The following DSCAML1 variants were observed in gnomAD, a reference collection of about 807,000 sequenced individuals.
DSCAML1 encodes the protein DS cell adhesion molecule like 1.
Under a neutral mutation model 200.5 loss-of-function variants are expected in DSCAML1, and 38 were observed. The ratio of observed to expected loss-of-function variants is 0.19; its 90% CI spans 0.15 to 0.25. The LOEUF (loss-of-function observed/expected upper bound fraction) is 0.25, where lower values mean the gene tolerates loss of function less well. Among genes scored for constraint, DSCAML1 ranks in the 10% least tolerant of loss-of-function variants. DSCAML1 has a pLI of 1.00. For synonymous variants in DSCAML1, 1,215 were observed against 1,165.0 expected, an observed-to-expected ratio of 1.04 and a Z score of -0.87; for missense variants, 2,223 against 2,858.8, an observed-to-expected ratio of 0.78 and a Z score of 5.07.
chr11:117,431,497 G>C, intron 31 of DSCAML1, 37 bp downstream of exon 31: 4 of 1,500,390 alleles, frequency 2.7e-6, no homozygotes, highest in Non-Finnish European at 3.6e-6. Context: ...GGAACTGGGG[G>C]GAGGTGTTCA....
chr11:117,719,224 C>T (rs7102666), intron 3 of DSCAML1, among the ~76,000 whole-genome samples: 1 of 152,052 alleles, frequency 6.6e-6, no homozygotes, highest in Non-Finnish European at 1.5e-5. Flanking sequence ...CGCTGGAGGT[C>T]AGGAGTTCGA....
chr11:117,620,041 A>C (rs1041770452), intron 3 of DSCAML1, among the ~76,000 whole-genome samples: 1 of 152,242 alleles, frequency 6.6e-6, no homozygotes, highest in Admixed American at 6.5e-5. Context: ...ATTTCGTGAA[A>C]CATCTTTAGT....
At chr11:117,466,952 G>A (rs1182718037) in intron 16 of DSCAML1, among the ~76,000 whole-genome samples, 2 of 152,176 alleles carry the variant, frequency 1.3e-5, no homozygotes, top group Admixed American at 6.5e-5. Flanking sequence ...TGCCCCAGAC[G>A]CCAAGGCCAG....
intron 3 of DSCAML1, among the ~76,000 whole-genome samples, chr11:117,698,595 T>C (rs2053620518): frequency 6.6e-6 from 1 of 152,246 alleles, no homozygotes; most frequent in Non-Finnish European, 1.5e-5. Context: ...TATTTTTTTT[T>C]CTTTAAATAG....
At position 117,428,211 on chromosome 11, in the gene DSCAML1, T is replaced by C; in HGVS notation, c.*117A>G. On this transcript the variant is annotated 3_prime_UTR_variant, in exon 33 of 33. Coordinates refer to ENST00000651296, the MANE Select transcript of DSCAML1 (RefSeq NM_020693.4). The stretch of plus-strand genomic sequence containing the variant: ...CGTTCATGATTGGGGGTTTTTGTTT[T>C]GTCGTTGGTTGGTTTTTGTCTGTCA... The C allele has an allele frequency of 1.5e-6, 1 of 668,508 alleles. No individual in the cohort carries two copies. Among genetic ancestry groups the C allele is most frequent in the Non-Finnish European group, 2.7e-6 (1 of 375,368 alleles). 41.4% of individuals were successfully genotyped at this position (668,508 alleles called of 1,614,324 possible). A position where few individuals can be genotyped will look rare whatever the true frequency, so the allele number is the denominator to read the frequency against.
chr11:117,792,074 C>T (rs1459984693), intron 1 of DSCAML1, among the ~76,000 whole-genome samples: 1 of 152,166 alleles, frequency 6.6e-6, no homozygotes, highest in East Asian at 1.9e-4. Context: ...CATTCTACTC[C>T]AATATATGAA....
At chr11:117,549,234 G>GC (rs2050429921) in intron 3 of DSCAML1, among the ~76,000 whole-genome samples, 1 of 152,220 alleles carries the variant, frequency 6.6e-6, no homozygotes, top group Non-Finnish European at 1.5e-5. Context: ...AAGGCCAGGA[G>GC]CAGCAGGTGG....
intron 3 of DSCAML1, among the ~76,000 whole-genome samples, chr11:117,726,395 GT>G (rs2054132109): frequency 6.6e-6 from 1 of 151,892 alleles, no homozygotes; most frequent in Non-Finnish European, 1.5e-5. Flanking sequence ...ATTTGTTGTT[GT>G]TAGTATAGGA....
chr11:117,610,303 C>T (rs550737527), intron 3 of DSCAML1, among the ~76,000 whole-genome samples: 1 of 152,186 alleles, frequency 6.6e-6, no homozygotes, highest in East Asian at 1.9e-4. Context: ...ATTTTCTGGT[C>T]ACACATTCTT....
At position 117,812,195 on chromosome 11, in the gene DSCAML1, C is replaced by T. The variant is rs1024084363; in HGVS notation, c.-250+5195G>A. On this transcript the variant is annotated intron_variant, in intron 1 of 2. Coordinates refer to the DSCAML1 transcript ENST00000525836. ...GAGACCTCTACTCCCTCCTTGGCGA[C>T]CAATCATGCACCCCTTACCATCTCA... Among the ~76,000 whole-genome samples, 5 of 152,290 alleles carry T rather than the reference C, an allele frequency of 3.3e-5. No individual in the cohort carries two copies. In the South Asian group the frequency reaches 1.0e-3, roughly 32 times the overall value.
intron 3 of DSCAML1, among the ~76,000 whole-genome samples, chr11:117,644,668 G>C (rs2052484269): frequency 6.6e-6 from 1 of 152,234 alleles, no homozygotes; most frequent in South Asian, 2.1e-4. Flanking sequence ...GGGAGCCGCG[G>C]AGTCCGCTCA....
intron 3 of DSCAML1, among the ~76,000 whole-genome samples, chr11:117,659,726 T>G (rs2052804305): frequency 6.6e-6 from 1 of 151,986 alleles, no homozygotes; most frequent in South Asian, 2.1e-4. Flanking sequence ...CACATTTTTT[T>G]TTTTTCTTTT....
At chr11:117,593,934 C>G (rs1202503593) in intron 3 of DSCAML1, among the ~76,000 whole-genome samples, 1 of 151,996 alleles carries the variant, frequency 6.6e-6, no homozygotes, top group Non-Finnish European at 1.5e-5. Context: ...AGGATGGTCT[C>G]GATCTCCTGA....
chr11:117,512,777 A>ACACACACACACACACACACACACACC (rs1565753959), intron 8 of DSCAML1, among the ~76,000 whole-genome samples: 12 of 148,062 alleles, frequency 8.1e-5, no homozygotes, highest in African/African-American at 2.5e-4. Context: ...ACACACACAC[A>ACACACACACACACACACACACACACC]CACACACACA....
Position 117,505,323 on chromosome 11 carries a change from C to G in DSCAML1, c.2062+131G>C. ...CCCTGGAAAATAAGAGGTTTAGGCT[C>G]CAACAGGCCCTTCAAGATGCTGGAG... On this transcript the variant is annotated intron_variant, in intron 9 of 32. Coordinates refer to ENST00000651296, the MANE Select transcript of DSCAML1 (RefSeq NM_020693.4). The surrounding 1 kb of genome is among the most constrained non-coding windows in gnomAD (Gnocchi z 6.7). 1 of 1,291,522 alleles carries G rather than the reference C, an allele frequency of 7.7e-7. No homozygotes were observed. Among genetic ancestry groups the G allele is most frequent in the South Asian group, 1.5e-5 (1 of 68,666 alleles). 80.0% of individuals were successfully genotyped at this position (1,291,522 alleles called of 1,614,324 possible). A position where few individuals can be genotyped will look rare whatever the true frequency, so the allele number is the denominator to read the frequency against.
chr11:117,799,299 G>A (rs1468697818), upstream of DSCAML1, among the ~76,000 whole-genome samples: 1 of 152,240 alleles, frequency 6.6e-6, no homozygotes, highest in Non-Finnish European at 1.5e-5. Flanking sequence ...AAGGCAGACA[G>A]GATGAAAGGG....
At chr11:117,702,116 C>T (rs528935154) in intron 3 of DSCAML1, among the ~76,000 whole-genome samples, 1 of 152,340 alleles carries the variant, frequency 6.6e-6, no homozygotes, top group African/African-American at 2.4e-5. Flanking sequence ...CGTGGCTCCC[C>T]AGTCCACCCT....
At chr11:117,455,080 C>T (rs994936902) in intron 19 of DSCAML1, among the ~76,000 whole-genome samples, 10 of 152,288 alleles carry the variant, frequency 6.6e-5, no homozygotes, top group Admixed American at 1.3e-4. Flanking sequence ...CCCTGGATCC[C>T]GGCCTAATGA....
At chr11:117,590,202 A>AT (rs773785876) in intron 3 of DSCAML1, among the ~76,000 whole-genome samples, 6 of 151,896 alleles carry the variant, frequency 4.0e-5, no homozygotes, top group Non-Finnish European at 8.8e-5. Flanking sequence ...ATGTTATTTG[A>AT]TTTTTTAAAA....
Sources: gnomAD v4.1 joint callset for allele counts (sites outside exome capture counted in the v4.1 genomes callset) on GRCh38, gnomAD v4.1.1 for gene constraint, Gnocchi (gnomAD v3.1) non-coding constraint, MANE v1.5 for transcripts, NCBI Gene and HGNC (gene_info 2026-07-23, HGNC 2026-07-21) for gene names.